Variants in SLC8A1 observed in about 807,000 individuals in gnomAD.
SLC8A1 encodes the protein sodium/calcium exchanger 1.
A neutral mutation model predicts 68.3 loss-of-function variants in SLC8A1; 18 were observed. The ratio of observed to expected loss-of-function variants is 0.26; its 90% CI spans 0.18 to 0.39. The LOEUF (loss-of-function observed/expected upper bound fraction) is 0.39. SLC8A1 is among the 10% of genes least tolerant of loss of function. The pLI, the probability that SLC8A1 is intolerant of heterozygous loss-of-function variation, is 1.00. For synonymous variants in SLC8A1, 475 were observed against 415.5 expected, an observed-to-expected ratio of 1.14 and a Z score of -1.74; for missense variants, 985 against 1,156.7, an observed-to-expected ratio of 0.85 and a Z score of 2.15.
intron 2 of SLC8A1, among the ~76,000 whole-genome samples, chr2:40,184,919 A>G (rs983758225): frequency 2.8e-5 from 4 of 144,116 alleles, no homozygotes; most frequent in Non-Finnish European, 4.6e-5. Flanking sequence ...AAAAAAAAAA[A>G]GGAAAAGAAA....
chr2:40,227,423 CGGGATAGCTG>C (rs529717387), intron 2 of SLC8A1, among the ~76,000 whole-genome samples: 2 of 152,094 alleles, frequency 1.3e-5, no homozygotes, highest in African/African-American at 4.8e-5. Flanking sequence ...TGCAGGGACA[CGGGATAGCTG>C]GAGGCCATTA....
intron 6 of SLC8A1, among the ~76,000 whole-genome samples, chr2:40,144,772 C>G (rs1021006852): frequency 6.6e-6 from 1 of 151,918 alleles, no homozygotes; most frequent in Non-Finnish European, 1.5e-5. Flanking sequence ...TGTTTTGGAA[C>G]CTCTATTTTT....
rs1477325193 is a variant in SLC8A1, at chr2:40,239,698, AC to A, written c.1809-61844del. On this transcript the variant is annotated intron_variant, in intron 2 of 7. Coordinates refer to ENST00000406785, the Ensembl canonical transcript of SLC8A1. ...CTGTCTCAAAAAAACAAAAACAAAAACAAAAAAACTGGTGCATTCTTTCATA... is the reference window on the plus strand; with the variant it reads ...CTGTCTCAAAAAAACAAAAACAAAAAAAAAAAACTGGTGCATTCTTTCATA... Among the ~76,000 whole-genome samples the A allele has an allele frequency of 2.6e-5, 4 of 152,190 alleles. No individual in the cohort carries two copies. The South Asian group carries it at 6.2e-4, about 24-fold the overall frequency.
chr2:40,499,254 A>T (rs1232820102), intron 1 of SLC8A1, among the ~76,000 whole-genome samples: 2 of 152,098 alleles, frequency 1.3e-5, no homozygotes, highest in Non-Finnish European at 2.9e-5. Context: ...TTGACTTTAG[A>T]GTCAGACTTT....
chr2:40,142,489 A>G lies in SLC8A1; in HGVS notation c.2162-2813T>C, dbSNP rs891768831. Reference sequence around the variant, plus strand: ...TTATAATTTCACAGGGCATATGAATAAAATGCTTTGGAAAGCATTTTAATC... The same window carrying G: ...TTATAATTTCACAGGGCATATGAATGAAATGCTTTGGAAAGCATTTTAATC... On this transcript the variant is annotated intron_variant, in intron 6 of 7. Coordinates refer to ENST00000406785, the Ensembl canonical transcript of SLC8A1. Among the ~76,000 whole-genome samples the G allele has an allele frequency of 6.6e-5, 10 of 152,348 alleles. No homozygotes were observed. The East Asian group carries it at 1.2e-3, about 18-fold the overall frequency.
intron 2 of SLC8A1, among the ~76,000 whole-genome samples, chr2:40,236,557 T>A (rs2060402855): frequency 6.7e-6 from 1 of 150,204 alleles, no homozygotes; most frequent in Non-Finnish European, 1.5e-5. Flanking sequence ...TTTATCCAAT[T>A]TGCCAGTCTG....
At chr2:40,406,266 A>C (rs903366004) in intron 2 of SLC8A1, among the ~76,000 whole-genome samples, 3 of 152,202 alleles carry the variant, frequency 2.0e-5, no homozygotes, top group African/African-American at 7.2e-5. Context: ...GCAGTGTAAA[A>C]ATAATAGAAT....
At chr2:40,503,135 CAAT>C (rs529871309) in intron 1 of SLC8A1, among the ~76,000 whole-genome samples, 37 of 152,034 alleles carry the variant, frequency 2.4e-4, no homozygotes, top group African/African-American at 8.4e-4. Context: ...TGATATACCT[CAAT>C]AAAGAGTAAA....
intron 2 of SLC8A1, among the ~76,000 whole-genome samples, chr2:40,227,915 T>A (rs1417141279): frequency 6.6e-6 from 1 of 152,104 alleles, no homozygotes; most frequent in Non-Finnish European, 1.5e-5. Flanking sequence ...CTCCCTGTCT[T>A]CAAAGGGCTT....
At chr2:40,328,703 G>C (rs562829907) in intron 2 of SLC8A1, among the ~76,000 whole-genome samples, 3 of 152,086 alleles carry the variant, frequency 2.0e-5, no homozygotes, top group East Asian at 3.9e-4. Context: ...TCATCTTTCA[G>C]GTCTCTTTCA....
At chr2:40,127,365 G>A (rs1239636788) in intron 7 of SLC8A1, among the ~76,000 whole-genome samples, 1 of 152,172 alleles carries the variant, frequency 6.6e-6, no homozygotes, top group Admixed American at 6.5e-5. Context: ...ACCACTTCCA[G>A]CGCAGCCTCA....
intron 2 of SLC8A1, among the ~76,000 whole-genome samples, chr2:40,393,900 A>G (rs982040620): frequency 6.6e-6 from 1 of 152,150 alleles, no homozygotes; most frequent in Admixed American, 6.6e-5. Context: ...TTTCATGGCA[A>G]TGGGTTATTT....
chr2:40,197,210 G>A (rs987590348), intron 2 of SLC8A1, among the ~76,000 whole-genome samples: 6 of 151,974 alleles, frequency 3.9e-5, no homozygotes, highest in African/African-American at 7.2e-5. Context: ...AGTGCATTTC[G>A]ATAGTGATAT....
At chr2:40,225,641 C>CT (rs2148866788) in intron 2 of SLC8A1, among the ~76,000 whole-genome samples, 1 of 152,228 alleles carries the variant, frequency 6.6e-6, no homozygotes, top group South Asian at 2.1e-4. Flanking sequence ...AAACAAGGAA[C>CT]TTAATCTTAA....
chr2:40,161,224 CAT>C lies in SLC8A1; in HGVS notation c.2062-362_2062-361del, dbSNP rs556425208. Among the ~76,000 whole-genome samples, 112 of 152,314 alleles carry C rather than the reference CAT, an allele frequency of 7.4e-4. 1 individual carries two copies. The highest frequency in any genetic ancestry group is 2.5e-3 in the African/African-American group (102 of 41,562). On this transcript the variant is annotated intron_variant, in intron 5 of 7. Coordinates refer to ENST00000406785, the Ensembl canonical transcript of SLC8A1. ...AGTGTTTCGTCTGCAAGTGAATTAA[CAT>C]ATGCCCTATTCAGCACTACATATCT...
At chr2:40,107,699 A>T (rs2034302864) in exon 8 of SLC8A1, 1 of 152,152 alleles carries the variant, frequency 6.6e-6, no homozygotes, top group Non-Finnish European at 1.5e-5. Context: ...TTCTCAAAGG[A>T]TATCTGATAC....
In SLC8A1 at chr2:40,277,810, A is replaced by ATATATGTG. The variant is rs2066952053; in HGVS notation, c.1809-99956_1809-99955insCACATATA. Among the ~76,000 whole-genome samples the ATATATGTG allele has an allele frequency of 3.6e-5, 4 of 110,010 alleles. No individual in the cohort carries two copies. In the South Asian group the frequency reaches 1.7e-3, roughly 46 times the overall value. 72.2% of individuals were successfully genotyped at this position (110,010 alleles called of 152,430 possible). ...TATATGTGTGTATATATATATATAT[A>ATATATGTG]TATATATATATATATATATATTTGT... On this transcript the variant is annotated intron_variant, in intron 2 of 7. Coordinates refer to ENST00000406785, the Ensembl canonical transcript of SLC8A1.
intron 2 of SLC8A1, among the ~76,000 whole-genome samples, chr2:40,390,061 T>C (rs1403577478): frequency 6.6e-6 from 1 of 152,042 alleles, no homozygotes; most frequent in Non-Finnish European, 1.5e-5. Flanking sequence ...TTCCATAATA[T>C]AGATATGTTG....
chr2:40,304,029 A>T (rs1220220858), intron 2 of SLC8A1, among the ~76,000 whole-genome samples: 1 of 152,202 alleles, frequency 6.6e-6, no homozygotes, highest in Non-Finnish European at 1.5e-5. Flanking sequence ...CTGGAGGTCA[A>T]CATCTCCTTA....
Sources: gnomAD v4.1 joint callset for allele counts (sites outside exome capture counted in the v4.1 genomes callset) on GRCh38, gnomAD v4.1.1 for gene constraint, MANE v1.5 for transcripts, NCBI Gene and HGNC (gene_info 2026-07-23, HGNC 2026-07-21) for gene names.